The following SMU1 variants were observed in gnomAD, a reference collection of about 807,000 sequenced individuals.
SMU1 encodes the protein WD40 repeat-containing protein SMU1.
SMU1 carries 2 observed loss-of-function variants against 62.0 expected under a neutral mutation model. That is an observed-to-expected ratio of 0.03 (90% CI 0.01 to 0.10). The LOEUF (loss-of-function observed/expected upper bound fraction) is 0.10. SMU1 is among the 10% of genes least tolerant of loss of function. The pLI is 1.00. For synonymous variants in SMU1, 188 were observed against 212.4 expected, an observed-to-expected ratio of 0.89 and a Z score of 1.00; for missense variants, 227 against 622.1, an observed-to-expected ratio of 0.36 and a Z score of 6.76.
rs1434811485 is a variant in SMU1 at position 33,044,388 on chromosome 9, G to A, written c.*2905C>T. On this transcript the variant is annotated 3_prime_UTR_variant, in exon 12 of 12. Coordinates refer to ENST00000397149, the MANE Select transcript of SMU1 (RefSeq NM_018225.3). The stretch of plus-strand genomic sequence containing the variant: ...CGGGTGCGCAGTCTCCCTACCCCCG[G>A]TAAGGGGCTCTACCGGCCCTGGACC... 1 of 152,276 alleles carries A rather than the reference G, an allele frequency of 6.6e-6. No individual in the cohort carries two copies. The highest frequency in any genetic ancestry group is 2.4e-5 in the African/African-American group (1 of 41,456). 9.4% of individuals were successfully genotyped at this position (152,276 alleles called of 1,614,324 possible).
Position 33,045,804 on chromosome 9 carries a change from CACTGCA to C in SMU1, c.*1483_*1488del, listed in dbSNP as rs144474481. On this transcript the variant is annotated 3_prime_UTR_variant, in exon 12 of 12. Transcript: ENST00000397149. ...AAGTTGCAGTTAGCTGAGATGGCAC[CACTGCA>C]CTCCAGCCTGGGCAACAGAGCAAGA... 48,703 of 151,940 alleles carry C rather than the reference CACTGCA, an allele frequency of 0.32. 8,084 individuals carry two copies. The highest frequency in any genetic ancestry group is 0.37 in the Non-Finnish European group (24,943 of 67,860). The allele number at this position is 151,940 out of a possible 1,614,324, so 9.4% of individuals were successfully genotyped here.
At chr9:33,063,575 C>T (rs1216855440) in intron 4 of SMU1, among the ~76,000 whole-genome samples, 1 of 152,184 alleles carries the variant, frequency 6.6e-6, no homozygotes, top group Non-Finnish European at 1.5e-5. Flanking sequence ...CTGTTAGGAA[C>T]CCAGCTGTAC....
chr9:33,051,464 T>G (rs1452938574), intron 10 of SMU1, among the ~76,000 whole-genome samples: 1 of 152,162 alleles, frequency 6.6e-6, no homozygotes, highest in Non-Finnish European at 1.5e-5. Flanking sequence ...ACTATGGCCT[T>G]TGTGTGTTAA....
chr9:33,049,764 C>CCACACA lies in SMU1; in HGVS notation c.1291-1512_1291-1507dup, dbSNP rs61036431. 6.9e-3 allele frequency among the ~76,000 whole-genome samples: 1,022 copies of CCACACA among 148,494 alleles called. 11 individuals are homozygous for CCACACA. Among genetic ancestry groups the CCACACA allele is most frequent in the African/African-American group, 0.024 (947 of 40,260 alleles). On this transcript the variant is annotated intron_variant, in intron 10 of 11. Transcript: ENST00000397149. ...TCAGCAACATGGCATGACCCCATTT[C>CCACACA]CACACACACACACACACACACACAA... is the stretch of plus-strand genomic sequence containing the variant.
Position 33,044,864 on chromosome 9 carries a change from G to T in SMU1, c.*2429C>A, listed in dbSNP as rs1440128092. On this transcript the variant is annotated 3_prime_UTR_variant, in exon 12 of 12. Coordinates refer to ENST00000397149, the MANE Select transcript of SMU1 (RefSeq NM_018225.3). ...CATACCTTGCCGCTGTGCCACACTG[G>T]AGTCCCCGGTTAGGTTCCCTGTGCT... 6.6e-6 allele frequency: 1 copy of T among 152,212 alleles called. No homozygotes were observed. The highest frequency in any genetic ancestry group is 6.5e-5 in the Admixed American group (1 of 15,282). 9.4% of individuals were successfully genotyped at this position (152,212 alleles called of 1,614,324 possible). A position where few individuals can be genotyped will look rare whatever the true frequency, so the allele number is the denominator to read the frequency against.
intron 7 of SMU1, 64 bp downstream of exon 7, chr9:33,057,534 A>G: frequency 5.1e-6 from 8 of 1,579,540 alleles, no homozygotes; most frequent in Non-Finnish European, 6.9e-6. Context: ...CATATGTAGG[A>G]CACTACCCCA....
In SMU1 at chr9:33,053,724, T is replaced by C. The variant is rs576031481; in HGVS notation, c.1123-434A>G. On this transcript the variant is annotated intron_variant, in intron 9 of 11. Transcript: ENST00000397149. ...GAATTTTGTGGAATTTTCTTTTTTTTCCCCAAATATTTTCAATTTGTGATT... is the reference window on the plus strand; with the variant it reads ...GAATTTTGTGGAATTTTCTTTTTTTCCCCCAAATATTTTCAATTTGTGATT... 2.8e-4 allele frequency among the ~76,000 whole-genome samples: 42 copies of C among 152,370 alleles called. 1 individual carries two copies. Among genetic ancestry groups the C allele is most frequent in the Non-Finnish European group, 3.5e-4 (24 of 68,032 alleles).
intron 9 of SMU1, among the ~76,000 whole-genome samples, chr9:33,054,170 T>G (rs900846362): frequency 4.0e-5 from 6 of 151,846 alleles, no homozygotes; most frequent in Non-Finnish European, 5.9e-5. Flanking sequence ...AAACCGCTTT[T>G]CTTTTCTTTT....
At chr9:33,056,306 G>A in intron 8 of SMU1, 67 bp from the exon 9 acceptor site, 2 of 1,451,860 alleles carry the variant, frequency 1.4e-6, no homozygotes, top group South Asian at 2.7e-5. Context: ...ACCAACGATT[G>A]AATGCATTTT....
intron 10 of SMU1, 63 bp downstream of exon 10, chr9:33,053,060 C>G: frequency 6.6e-7 from 1 of 1,509,970 alleles, no homozygotes; most frequent in East Asian, 2.3e-5. Flanking sequence ...GGGCCTGGAC[C>G]AGGAAGTGCT....
rs755514676 is a variant in SMU1 at position 33,076,584 on chromosome 9, C to G, written c.25G>C (p.Asp9His). 6.2e-7 allele frequency: 1 copy of G among 1,613,930 alleles called. No homozygotes were observed. The highest frequency in any genetic ancestry group is 1.1e-5 in the South Asian group (1 of 91,088). MSIEIESS[D>H]VIRLIMQYLK... ...GAACATCCCCACCGCAGGACTCACTCCGAAGATTCGATTTCGATCGACATA... is the reference window on the plus strand; with the variant it reads ...GAACATCCCCACCGCAGGACTCACTGCGAAGATTCGATTTCGATCGACATA... Residue 9 changes from aspartate (D) to histidine (H), a missense_variant and splice_region_variant, in exon 1 of 12, where the codon GAT becomes CAT. By Grantham distance (81) the Asp-to-His change is moderately conservative (BLOSUM62 -1). This residue lies in a region of SMU1 where 99 missense variants were observed against 270.3 expected (regional missense o/e 0.37). Coordinates refer to ENST00000397149, the MANE Select transcript of SMU1 (RefSeq NM_018225.3).
At chr9:33,071,319 TA>T (rs1018693641) in intron 3 of SMU1, among the ~76,000 whole-genome samples, 10 of 152,130 alleles carry the variant, frequency 6.6e-5, no homozygotes, top group African/African-American at 2.4e-4. Flanking sequence ...GCTCTACTGG[TA>T]AGCATAATCC....
rs1839164736 is a variant in SMU1, at chr9:33,044,647, T to C, written c.*2646A>G. 2.0e-5 allele frequency: 3 copies of C among 152,222 alleles called. No homozygotes were observed. The highest frequency in any genetic ancestry group is 7.2e-5 in the African/African-American group (3 of 41,452). 9.4% of individuals were successfully genotyped at this position (152,222 alleles called of 1,614,324 possible). On this transcript the variant is annotated 3_prime_UTR_variant, in exon 12 of 12. Coordinates refer to ENST00000397149, the MANE Select transcript of SMU1 (RefSeq NM_018225.3). ...ATTTAAAGACAAAATCAGTGTGTTTTTCAGGTTTGTACGAAATGAAGTTGT... is the reference window on the plus strand; with the variant it reads ...ATTTAAAGACAAAATCAGTGTGTTTCTCAGGTTTGTACGAAATGAAGTTGT...
At chr9:33,075,939 C>G (rs926226237) in intron 1 of SMU1, among the ~76,000 whole-genome samples, 2 of 152,220 alleles carry the variant, frequency 1.3e-5, no homozygotes, top group Non-Finnish European at 1.5e-5. Context: ...CAGTCTGTCT[C>G]TCCCCAGACA....
chr9:33,076,182 CAG>C (rs1839543759), intron 1 of SMU1, among the ~76,000 whole-genome samples: 1 of 152,208 alleles, frequency 6.6e-6, no homozygotes, highest in Admixed American at 6.5e-5. Context: ...GCCGTATAAG[CAG>C]AGACAACGAA....
rs866247778 is a variant in SMU1 at position 33,053,185 on chromosome 9, G to A, written c.1228C>T (p.Pro410Ser). ...VNSVILLPKNPEHFVVCNRSN... is the reference protein window; with the variant it reads ...VNSVILLPKNSEHFVVCNRSN... The stretch of plus-strand genomic sequence containing the variant: ...CTGTTGCACACCACAAAGTGCTCAG[G>A]GTTTTTAGGAAGTAGAATCACACTG... Residue 410 changes from proline to serine, a missense_variant, in exon 10 of 12, where the codon CCT becomes TCT. Coordinates refer to ENST00000397149, the MANE Select transcript of SMU1 (RefSeq NM_018225.3). The A allele has an allele frequency of 1.2e-6, 2 of 1,612,096 alleles. No homozygotes were observed. Among genetic ancestry groups the A allele is most frequent in the African/African-American group, 2.7e-5 (2 of 74,808 alleles).
Position 33,047,061 on chromosome 9 carries a change from G to T in SMU1, c.*232C>A. On this transcript the variant is annotated 3_prime_UTR_variant, in exon 12 of 12. Coordinates refer to ENST00000397149, the MANE Select transcript of SMU1 (RefSeq NM_018225.3). Reference sequence around the variant, plus strand: ...TTCACTCTCCAGGTCGAAGATTAATGAAAACATTAAGTGACTGCACCAGTT... The same window carrying T: ...TTCACTCTCCAGGTCGAAGATTAATTAAAACATTAAGTGACTGCACCAGTT... 1 of 378,618 alleles carries T rather than the reference G, an allele frequency of 2.6e-6. No homozygotes were observed. The highest frequency in any genetic ancestry group is 4.7e-6 in the Non-Finnish European group (1 of 211,944). The allele number at this position is 378,618 out of a possible 1,614,324, so 23.5% of individuals were successfully genotyped here. A position where few individuals can be genotyped will look rare whatever the true frequency, so the allele number is the denominator to read the frequency against.
Position 33,076,637 on chromosome 9 carries a change from G to C in SMU1, c.-29C>G, listed in dbSNP as rs1430285142. ...CGTATCTCTCCGGGAGCAGGCCCCA[G>C]CTCTCCCTCAAGGCCAGTCGCGCAA... On this transcript the variant is annotated 5_prime_UTR_variant, in exon 1 of 12. Transcript: ENST00000397149. 2 of 1,613,702 alleles carry C rather than the reference G, an allele frequency of 1.2e-6. No individual in the cohort carries two copies. The highest frequency in any genetic ancestry group is 8.5e-7 in the Non-Finnish European group (1 of 1,180,008).
rs147872294 is a variant in SMU1, at chr9:33,042,484, A to C, written c.*4809T>G. 6.6e-6 allele frequency: 1 copy of C among 152,394 alleles called. No homozygotes were observed. The highest frequency in any genetic ancestry group is 2.4e-5 in the African/African-American group (1 of 41,466). The allele number at this position is 152,394 out of a possible 1,614,324, so 9.4% of individuals were successfully genotyped here. On this transcript the variant is annotated 3_prime_UTR_variant, in exon 12 of 12. Transcript: ENST00000397149. ...CTGCCCATTCATACTTGTAGGGAAT[A>C]GGAGTAGAGGCCAATTATGTCGCTT... is the stretch of plus-strand genomic sequence containing the variant.
Sources: gnomAD v4.1 joint callset for allele counts (sites outside exome capture counted in the v4.1 genomes callset) on GRCh38, gnomAD v4.1.1 for gene constraint, gnomAD v4.1.1 regional missense constraint, MANE v1.5 for transcripts, NCBI Gene and HGNC (gene_info 2026-07-23, HGNC 2026-07-21) for gene names.